BRCA2: variants seen among roughly 807,000 people sequenced by gnomAD.
BRCA2 encodes breast cancer type 2 susceptibility protein.
A neutral mutation model predicts 276.7 loss-of-function variants in BRCA2; 203 were observed. The ratio of observed to expected loss-of-function variants is 0.73; its 90% CI spans 0.65 to 0.82. BRCA2 has a LOEUF of 0.82. Among genes scored for constraint, BRCA2 ranks in the 40% least tolerant of loss-of-function variants. The pLI is 0.00. For missense variants in BRCA2, 3,920 were observed against 3,915.0 expected, an observed-to-expected ratio of 1.00 and a Z score of -0.03; for synonymous variants, 1,289 against 1,338.4, an observed-to-expected ratio of 0.96 and a Z score of 0.81.
At chr13:32,375,367 A>AC (rs1454810313) in intron 20 of BRCA2, 3 of 449,070 alleles carry the variant, frequency 6.7e-6, no homozygotes, top group African/African-American at 2.0e-5. Context: ...GAAGTCTTGA[A>AC]CCCCCCAAAG....
At position 32,363,203 on chromosome 13, in the gene BRCA2, CAGA is replaced by C. The variant is rs1249719262; in HGVS notation, c.8005_8007del (p.Arg2669del). On this transcript the variant is annotated inframe_deletion, in exon 18 of 27. Coordinates refer to ENST00000380152, the MANE Select transcript of BRCA2 (RefSeq NM_000059.4). ...GATATGATACGGAAATTGATAGAAG[CAGA>C]AGATCGGCTATAAAAAAGATAATGG... The C allele has an allele frequency of 3.1e-6, 5 of 1,613,608 alleles. No individual in the cohort carries two copies. Among genetic ancestry groups the C allele is most frequent in the Non-Finnish European group, 3.4e-6 (4 of 1,179,924 alleles).
In BRCA2 at chr13:32,333,413, A is replaced by G. The variant is rs1292432673; in HGVS notation, c.1909+26A>G. On this transcript the variant is annotated intron_variant, in intron 10 of 26. Transcript: ENST00000380152. Reference sequence around the variant, plus strand: ...GTACCTCTGTCTTTTTTTTTTTGTAAATAGTACATATAGTTTTATAGATGA... The same window carrying G: ...GTACCTCTGTCTTTTTTTTTTTGTAGATAGTACATATAGTTTTATAGATGA... The G allele has an allele frequency of 2.5e-6, 4 of 1,599,220 alleles. No homozygotes were observed. The East Asian group carries it at 6.7e-5, about 27-fold the overall frequency.
rs538437819 is a variant in BRCA2, at chr13:32,367,148, TAAC to T, written c.8332-3252_8332-3250del. On this transcript the variant is annotated intron_variant, in intron 18 of 26. Transcript: ENST00000380152. ...ATAATTTGAGCATCAGAAAGGATAA[TAAC>T]AGGCTGGGCACACTGGCCCACACCT... 7.4e-4 allele frequency among the ~76,000 whole-genome samples: 113 copies of T among 151,976 alleles called. 1 individual carries two copies. Among genetic ancestry groups the T allele is most frequent in the African/African-American group, 2.7e-3 (110 of 41,494 alleles).
At chr13:32,376,531 A>G in intron 20 of BRCA2, 139 bp from the exon 21 acceptor site, 2 of 1,016,516 alleles carry the variant, frequency 2.0e-6, no homozygotes, top group Non-Finnish European at 2.8e-6. Flanking sequence ...CAAAAAAAAA[A>G]AAAAGAAAAA....
chr13:32,398,745 C>G lies in BRCA2; in HGVS notation c.10232C>G (p.Thr3411Arg), dbSNP rs864622402. The change falls in exon 27 of 27, where the codon ACA (threonine) becomes AGA (arginine). Residue 3411 changes from threonine to arginine, a missense_variant. By Grantham distance (71) the Thr-to-Arg change is moderately conservative (BLOSUM62 -1). Coordinates refer to ENST00000380152, the MANE Select transcript of BRCA2 (RefSeq NM_000059.4). ...GAATGTGAGAAAAATAAGCAGGACACAATTACAACTAAAAAATATATCTAA... is the reference window on the plus strand; with the variant it reads ...GAATGTGAGAAAAATAAGCAGGACAGAATTACAACTAAAAAATATATCTAA... ...TEECEKNKQDTITTKKYI is the reference protein window; with the variant it reads ...TEECEKNKQDRITTKKYI 1.1e-5 allele frequency: 17 copies of G among 1,613,794 alleles called. No homozygotes were observed. Among genetic ancestry groups the G allele is most frequent in the Non-Finnish European group, 1.4e-5 (16 of 1,179,958 alleles).
At position 32,339,267 on chromosome 13, in the gene BRCA2, A is replaced by G. The variant is rs886040553; in HGVS notation, c.4912A>G (p.Lys1638Glu). The change falls in exon 11 of 27, where the codon AAA (lysine) becomes GAA (glutamate). Residue 1638 changes from lysine (K) to glutamate (E), a missense_variant. Physicochemically the swap from Lys to Glu is moderately conservative, Grantham distance 56. This residue lies in a region of BRCA2 where 3,263 missense variants were observed against 3,156.9 expected (regional missense o/e 1.03). Transcript: ENST00000380152. ...ATCAAAAAGTATCTTTTTGAAAGTT[A>G]AAGTACATGAAAATGTAGAAAAAGA... is the stretch of plus-strand genomic sequence containing the variant. Reference protein sequence around the residue: ...KTSKSIFLKVKVHENVEKETA... With the variant: ...KTSKSIFLKVEVHENVEKETA... 1.2e-6 allele frequency: 2 copies of G among 1,610,704 alleles called. No homozygotes were observed. Among genetic ancestry groups the G allele is most frequent in the South Asian group, 1.1e-5 (1 of 90,084 alleles).
At chr13:32,370,031 A>G (rs1400302701) in intron 18 of BRCA2, among the ~76,000 whole-genome samples, 1 of 152,186 alleles carries the variant, frequency 6.6e-6, no homozygotes, top group Non-Finnish European at 1.5e-5. Flanking sequence ...AATTTTGGTG[A>G]TACCTCATTT....
intron 2 of BRCA2, among the ~76,000 whole-genome samples, chr13:32,317,512 A>G (rs1048900998): frequency 2.0e-5 from 3 of 152,188 alleles, no homozygotes; most frequent in African/African-American, 7.2e-5. Context: ...CTTTGCATAG[A>G]TTTTTCAAAG....
rs397507363 is a variant in BRCA2 at position 32,340,375 on chromosome 13, C to A, written c.6020C>A (p.Thr2007Asn). The A allele has an allele frequency of 3.7e-6, 6 of 1,613,814 alleles. No homozygotes were observed. Reference sequence around the variant, plus strand: ...GTGTTTTCTGAAATAGAAGATAGTACCAAGCAAGTCTTTTCCAAAGTATTG... The same window carrying A: ...GTGTTTTCTGAAATAGAAGATAGTAACAAGCAAGTCTTTTCCAAAGTATTG... The part of the protein sequence containing the change: ...RQVFSEIEDS[T>N]KQVFSKVLFK... Residue 2007 changes from threonine to asparagine, a missense_variant, in exon 11 of 27, where the codon ACC becomes AAC. Thr to Asn is a moderately conservative substitution (Grantham distance 65). Around this residue, in one of 2 missense-constraint regions of BRCA2, gnomAD observed 3,263 missense variants for 3,156.9 expected, o/e 1.03. Transcript: ENST00000380152.
rs2073053729 is a variant in BRCA2 at position 32,398,476 on chromosome 13, G to T, written c.9963G>T (p.Gln3321His). The T allele has an allele frequency of 6.2e-7, 1 of 1,614,036 alleles. No homozygotes were observed. The highest frequency in any genetic ancestry group is 1.3e-5 in the African/African-American group (1 of 74,934). ...AGAAAAAAGAACTGAATTCTCCTCAGATGACTCCATTTAAAAAATTCAATG... is the reference window on the plus strand; with the variant it reads ...AGAAAAAAGAACTGAATTCTCCTCATATGACTCCATTTAAAAAATTCAATG... ...PIKKKELNSP[Q>H]MTPFKKFNEI... Residue 3321 changes from glutamine to histidine, a missense_variant, in exon 27 of 27, where the codon CAG becomes CAT. Coordinates refer to ENST00000380152, the MANE Select transcript of BRCA2 (RefSeq NM_000059.4).
intron 11 of BRCA2, among the ~76,000 whole-genome samples, chr13:32,341,568 T>C (rs995199746): frequency 6.6e-6 from 1 of 152,226 alleles, no homozygotes; most frequent in South Asian, 2.1e-4. Flanking sequence ...CTTAACTGTT[T>C]TCATATACAT....
intron 21 of BRCA2, among the ~76,000 whole-genome samples, chr13:32,377,482 C>T (rs1024241029): frequency 1.3e-5 from 2 of 150,916 alleles, no homozygotes; most frequent in African/African-American, 2.4e-5. Flanking sequence ...CCCAGCTGTT[C>T]GGGAGGCTCA....
At chr13:32,397,701 T>C (rs1209554468) in intron 26 of BRCA2, among the ~76,000 whole-genome samples, 1 of 152,180 alleles carries the variant, frequency 6.6e-6, no homozygotes, top group Non-Finnish European at 1.5e-5. Flanking sequence ...AAGTGAGGAC[T>C]TGACTCTATT....
Position 32,329,806 on chromosome 13 carries a change from T to TTA in BRCA2, c.681+325_681+326dup, listed in dbSNP as rs397843916. 0.17 allele frequency among the ~76,000 whole-genome samples: 25,443 copies of TTA among 151,364 alleles called. 2,186 individuals are homozygous for TTA. The highest frequency in any genetic ancestry group is 0.23 in the Middle Eastern group (68 of 292). On this transcript the variant is annotated intron_variant, in intron 8 of 26. Coordinates refer to ENST00000380152, the MANE Select transcript of BRCA2 (RefSeq NM_000059.4). The stretch of plus-strand genomic sequence containing the variant: ...TATATATATTAAAAATGTGTAGTAT[T>TTA]TATATATATATACCTATAATCTTTT...
intron 13 of BRCA2, among the ~76,000 whole-genome samples, chr13:32,351,195 T>G (rs1215629699): frequency 6.6e-6 from 1 of 152,236 alleles, no homozygotes; most frequent in Non-Finnish European, 1.5e-5. Context: ...CACTCTTTAG[T>G]GAGCACTACC....
At chr13:32,362,111 C>T (rs1422430787) in intron 16 of BRCA2, among the ~76,000 whole-genome samples, 1 of 152,146 alleles carries the variant, frequency 6.6e-6, no homozygotes, top group Non-Finnish European at 1.5e-5. Context: ...CAGCCTCAAC[C>T]TCCTGGGCTC....
rs1254525537 is a variant in BRCA2 at position 32,332,361 on chromosome 13, G to T, written c.883G>T (p.Val295Leu). 6.3e-7 allele frequency: 1 copy of T among 1,596,888 alleles called. No homozygotes were observed. Among genetic ancestry groups the T allele is most frequent in the East Asian group, 2.2e-5 (1 of 44,756 alleles). ...AATGCCAAATGTCCTAGAAGATGAA[G>T]TATATGAAACAGTTGTAGATACCTC... Reference protein sequence around the residue: ...KSMPNVLEDEVYETVVDTSEE... With the variant: ...KSMPNVLEDELYETVVDTSEE... Residue 295 changes from valine to leucine, a missense_variant, in exon 10 of 27, where the codon GTA (valine) becomes TTA (leucine). Transcript: ENST00000380152.
chr13:32,394,572 T>C, intron 24 of BRCA2, 117 bp from the exon 25 acceptor site: 1 of 1,295,058 alleles, frequency 7.7e-7, no homozygotes, highest in Non-Finnish European at 1.1e-6. Context: ...TATTTTGATT[T>C]GCTTTTATTA....
At chr13:32,343,078 A>G (rs1349260199) in intron 11 of BRCA2, among the ~76,000 whole-genome samples, 6 of 152,010 alleles carry the variant, frequency 3.9e-5, no homozygotes, top group African/African-American at 1.4e-4. Flanking sequence ...TGGGACCACT[A>G]TTAAAGTCTT....
Sources: allele counts gnomAD v4.1 joint callset (sites outside exome capture counted in the v4.1 genomes callset), GRCh38; gene constraint gnomAD v4.1.1; regional missense constraint gnomAD v4.1.1; transcripts MANE v1.5; gene names NCBI Gene and HGNC (gene_info 2026-07-23, HGNC 2026-07-21).